BCL2L13: variants seen among roughly 807,000 people sequenced by gnomAD.
The protein encoded by BCL2L13 is BCL2 like 13, also known as bcl-2-like protein 13.
A neutral mutation model predicts 25.8 loss-of-function variants in BCL2L13; 13 were observed. The ratio of observed to expected loss-of-function variants is 0.50; its 90% CI spans 0.33 to 0.80. The LOEUF is 0.80. BCL2L13 is among the 30% of genes least tolerant of loss of function. The pLI, the probability that BCL2L13 is intolerant of heterozygous loss-of-function variation, is 0.02. For synonymous variants in BCL2L13, 244 were observed against 230.3 expected (o/e 1.06, Z -0.54); for missense variants, 504 against 574.9 (o/e 0.88, Z 1.26).
chr22:17,715,143 TA>T (rs1569007489), intron 6 of BCL2L13, among the ~76,000 whole-genome samples: 104 of 10,346 alleles, frequency 0.01, 10 homozygotes, highest in South Asian at 0.018. Context: ...TATATATATA[TA>T]TATATATATA....
upstream of BCL2L13, among the ~76,000 whole-genome samples, chr22:17,636,883 G>A (rs894158191): frequency 6.6e-5 from 10 of 152,316 alleles, no homozygotes; most frequent in Admixed American, 4.6e-4. Context: ...TACCAAATTG[G>A]TAACATAAGT....
intron 6 of BCL2L13, among the ~76,000 whole-genome samples, chr22:17,710,816 G>T (rs1175667365): frequency 2.6e-5 from 4 of 151,978 alleles, no homozygotes; most frequent in African/African-American, 9.7e-5. Flanking sequence ...GGCGGAGCTT[G>T]CAGTGAGTCA....
At chr22:17,683,007 C>T (rs1363933159) in intron 2 of BCL2L13, among the ~76,000 whole-genome samples, 2 of 152,018 alleles carry the variant, frequency 1.3e-5, no homozygotes, top group Non-Finnish European at 2.9e-5. Context: ...GTGGCAGGCG[C>T]CTATAATCCC....
intron 2 of BCL2L13, among the ~76,000 whole-genome samples, chr22:17,680,823 A>C (rs1209325952): frequency 6.6e-6 from 1 of 152,054 alleles, no homozygotes; most frequent in Non-Finnish European, 1.5e-5. Flanking sequence ...ATTGTCCTTG[A>C]GCTCGTGTGA....
At chr22:17,693,200 TATAA>T (rs998018690) in intron 4 of BCL2L13, among the ~76,000 whole-genome samples, 19 of 151,504 alleles carry the variant, frequency 1.3e-4, no homozygotes, top group Admixed American at 4.6e-4. Context: ...TAATATAAAA[TATAA>T]ATATATGAAA....
intron 6 of BCL2L13, among the ~76,000 whole-genome samples, chr22:17,725,365 T>G (rs2061266467): frequency 6.6e-6 from 1 of 152,164 alleles, no homozygotes; most frequent in Admixed American, 6.5e-5. Flanking sequence ...TATCTTCTTT[T>G]TTTTCTGTCT....
chr22:17,646,435 G>A (rs2058474255), intron 1 of BCL2L13, among the ~76,000 whole-genome samples: 1 of 151,092 alleles, frequency 6.6e-6, no homozygotes, highest in African/African-American at 2.5e-5. Context: ...TTTTAGTAGT[G>A]ACGGTGTTTC....
intron 1 of BCL2L13, among the ~76,000 whole-genome samples, chr22:17,646,726 T>TTTTC (rs1392416645): frequency 7.7e-6 from 1 of 129,740 alleles, no homozygotes; most frequent in East Asian, 2.2e-4. Context: ...CTTTTTTTTT[T>TTTTC]TTTTTTTTTT....
rs1601446995 is a variant in BCL2L13 at position 17,638,835 on chromosome 22, C to T, written c.-102C>T. On this transcript the variant is annotated 5_prime_UTR_variant, in exon 1 of 7. Coordinates refer to ENST00000317582, the MANE Select transcript of BCL2L13 (RefSeq NM_015367.4). Reference sequence around the variant, plus strand: ...CGCCGCTGGGGGACCCTGTCGGAAGCAACTGCCGCCGCCGCCTCTTTCATC... The same window carrying T: ...CGCCGCTGGGGGACCCTGTCGGAAGTAACTGCCGCCGCCGCCTCTTTCATC... 6 of 1,232,174 alleles carry T rather than the reference C, an allele frequency of 4.9e-6. No individual in the cohort carries two copies. The highest frequency in any genetic ancestry group is 3.2e-5 in the East Asian group (1 of 31,710). 76.3% of individuals were successfully genotyped at this position (1,232,174 alleles called of 1,614,324 possible).
chr22:17,695,011 G>C (rs545591823), intron 4 of BCL2L13, among the ~76,000 whole-genome samples: 5 of 149,176 alleles, frequency 3.4e-5, no homozygotes, highest in Admixed American at 6.6e-5. Flanking sequence ...TTCCTTTGGC[G>C]TCATGCAAAT....
At chr22:17,706,720 G>A in intron 6 of BCL2L13, 1 of 1,351,780 alleles carries the variant, frequency 7.4e-7, no homozygotes, top group Non-Finnish European at 9.8e-7. Flanking sequence ...TTCTCCCTGA[G>A]TCATCCTTGC....
intron 6 of BCL2L13, among the ~76,000 whole-genome samples, chr22:17,725,136 G>A (rs373595932): frequency 6.6e-6 from 1 of 152,184 alleles, no homozygotes; most frequent in Admixed American, 6.5e-5. Flanking sequence ...AAGAGTCTCC[G>A]TGTCTGCAGC....
Position 17,727,906 on chromosome 22 carries a change from C to G in BCL2L13, c.*372C>G. On this transcript the variant is annotated 3_prime_UTR_variant, in exon 7 of 7. Transcript: ENST00000317582. Reference sequence around the variant, plus strand: ...GGCACCCCCTCCCAGAGATGACAAACGAAAATGTCTCTAGACATTGCCAAA... The same window carrying G: ...GGCACCCCCTCCCAGAGATGACAAAGGAAAATGTCTCTAGACATTGCCAAA... The G allele has an allele frequency of 8.0e-6, 2 of 249,688 alleles. No homozygotes were observed. The highest frequency in any genetic ancestry group is 1.5e-3 in the Middle Eastern group (1 of 664). The allele number at this position is 249,688 out of a possible 1,614,324, so 15.5% of individuals were successfully genotyped here.
chr22:17,687,940 C>G (rs2059993944), intron 3 of BCL2L13, among the ~76,000 whole-genome samples: 1 of 151,624 alleles, frequency 6.6e-6, no homozygotes, highest in South Asian at 2.1e-4. Flanking sequence ...GCCTCAGGCT[C>G]CTGAGTAGCT....
At chr22:17,723,580 T>G (rs1232087039) in intron 6 of BCL2L13, among the ~76,000 whole-genome samples, 2 of 152,178 alleles carry the variant, frequency 1.3e-5, no homozygotes, top group Non-Finnish European at 2.9e-5. Flanking sequence ...TAGCAAGTTA[T>G]GAAATAGCAT....
rs1346368168 is a variant in BCL2L13, at chr22:17,707,330, A to G, written c.600+4944A>G. The stretch of plus-strand genomic sequence containing the variant: ...CTCCATTTTCTTATTTTAGGTTAAT[A>G]ATGATCTGAGAGGCGCATTTGGTTA... On this transcript the variant is annotated intron_variant, in intron 6 of 6. Coordinates refer to ENST00000317582, the MANE Select transcript of BCL2L13 (RefSeq NM_015367.4). 2.0e-5 allele frequency among the ~76,000 whole-genome samples: 3 copies of G among 152,180 alleles called. No homozygotes were observed. The East Asian group carries it at 5.8e-4, about 29-fold the overall frequency.
intron 6 of BCL2L13, among the ~76,000 whole-genome samples, chr22:17,713,169 C>G (rs1041517589): frequency 1.3e-5 from 2 of 152,174 alleles, no homozygotes; most frequent in African/African-American, 4.8e-5. Flanking sequence ...CTCCATGTTA[C>G]ATAATCTCCC....
upstream of BCL2L13, among the ~76,000 whole-genome samples, chr22:17,635,784 A>C (rs997730977): frequency 2.0e-5 from 3 of 151,390 alleles, no homozygotes; most frequent in African/African-American, 4.9e-5. Flanking sequence ...ATCTCGGCTC[A>C]CTGCAACCTC....
At chr22:17,686,933 G>T (rs994099749) in intron 3 of BCL2L13, among the ~76,000 whole-genome samples, 7 of 152,056 alleles carry the variant, frequency 4.6e-5, no homozygotes, top group African/African-American at 1.7e-4. Context: ...AGTAACAAAA[G>T]GTTTAAAATA....
Sources: allele counts gnomAD v4.1 joint callset (sites outside exome capture counted in the v4.1 genomes callset), GRCh38; gene constraint gnomAD v4.1.1; transcripts MANE v1.5; gene names NCBI Gene and HGNC (gene_info 2026-07-23, HGNC 2026-07-21).